The following NOL4L variants were observed in gnomAD, a reference collection of about 807,000 sequenced individuals.
NOL4L encodes nucleolar protein 4-like.
A neutral mutation model predicts 64.5 loss-of-function variants in NOL4L; 7 were observed. The observed-to-expected ratio is 0.11, with a 90% CI of 0.06 to 0.20. The LOEUF is 0.20. Among genes scored for constraint, NOL4L ranks in the 10% least tolerant of loss-of-function variants. The pLI is 1.00. For synonymous variants in NOL4L, 413 were observed against 401.0 expected (o/e 1.03, Z -0.36); for missense variants, 680 against 967.1 (o/e 0.70, Z 3.94).
Position 32,474,757 on chromosome 20 carries a change from A to G in NOL4L, c.700-15T>C. The G allele has an allele frequency of 6.3e-7, 1 of 1,596,818 alleles. No homozygotes were observed. Among genetic ancestry groups the G allele is most frequent in the Non-Finnish European group, 8.5e-7 (1 of 1,169,872 alleles). The stretch of plus-strand genomic sequence containing the variant: ...GAAGTCTCATCCTGAGCAGGGACAA[A>G]GAAGGTGGGCATTCAGCAGGGACGG... On this transcript the variant is annotated splice_polypyrimidine_tract_variant and intron_variant, in intron 4 of 10. Coordinates refer to ENST00000621426, the MANE Select transcript of NOL4L (RefSeq NM_001256798.2).
intron 3 of NOL4L, among the ~76,000 whole-genome samples, chr20:32,513,309 T>C (rs1406303987): frequency 6.6e-6 from 1 of 152,184 alleles, no homozygotes; most frequent in Admixed American, 6.5e-5. Flanking sequence ...AAAGGGTCCC[T>C]GCAACCTTGA....
At chr20:32,470,292 G>A (rs1449672086) in intron 5 of NOL4L, among the ~76,000 whole-genome samples, 3 of 152,242 alleles carry the variant, frequency 2.0e-5, no homozygotes, top group Non-Finnish European at 4.4e-5. Flanking sequence ...CGGAAGGAGT[G>A]GCCCCGCCTG....
At chr20:32,507,057 T>C (rs1168720595) in intron 4 of NOL4L, among the ~76,000 whole-genome samples, 1 of 152,170 alleles carries the variant, frequency 6.6e-6, no homozygotes, top group African/African-American at 2.4e-5. Context: ...TGAGCCTCTC[T>C]GGGCCTCGGC....
In NOL4L at chr20:32,447,464, T is replaced by C. The variant is rs1600608355; in HGVS notation, c.*132A>G. 4 of 954,070 alleles carry C rather than the reference T, an allele frequency of 4.2e-6. No individual in the cohort carries two copies. In the African/African-American group the frequency reaches 6.0e-5, roughly 14 times the overall value. The allele number at this position is 954,070 out of a possible 1,614,324, so 59.1% of individuals were successfully genotyped here. ...TGCCCAAAGTCTCAGGTGCTTGGAG[T>C]GTGGCTAGAAACAGCTCTTTTGGAT... On this transcript the variant is annotated 3_prime_UTR_variant, in exon 11 of 11. Transcript: ENST00000621426.
In NOL4L at chr20:32,483,301, G is replaced by C. The variant is rs1015316427; in HGVS notation, c.700-8559C>G. ...GGCCGGCGGCAGCAGCCGGAGAAGG[G>C]GGGCGGCGGCCCGGGCCCCGGAAAC... On this transcript the variant is annotated intron_variant, in intron 4 of 10. Transcript: ENST00000621426. 4 of 936,392 alleles carry C rather than the reference G, an allele frequency of 4.3e-6. No homozygotes were observed. In the East Asian group the frequency reaches 3.5e-4, roughly 83 times the overall value. The allele number at this position is 936,392 out of a possible 1,614,324, so 58.0% of individuals were successfully genotyped here.
intron 4 of NOL4L, among the ~76,000 whole-genome samples, chr20:32,492,294 C>T (rs2016498576): frequency 6.6e-6 from 1 of 152,212 alleles, no homozygotes; most frequent in Non-Finnish European, 1.5e-5. Context: ...ACAGATGATG[C>T]TCACACACTT....
chr20:32,525,904 T>G (rs2018115311), intron 2 of NOL4L, among the ~76,000 whole-genome samples: 1 of 152,210 alleles, frequency 6.6e-6, no homozygotes, highest in Non-Finnish European at 1.5e-5. Context: ...ATTATAGGCA[T>G]GCGCCACCAT....
At chr20:32,502,168 T>A (rs987825456) in intron 4 of NOL4L, among the ~76,000 whole-genome samples, 28 of 152,230 alleles carry the variant, frequency 1.8e-4, no homozygotes, top group Middle Eastern at 3.4e-3. Flanking sequence ...AGCAGGTTAT[T>A]CCAAAATAGG....
chr20:32,518,681 T>C (rs565868280), intron 3 of NOL4L, among the ~76,000 whole-genome samples: 1 of 151,980 alleles, frequency 6.6e-6, no homozygotes, highest in Non-Finnish European at 1.5e-5. Context: ...ATGGAAACAA[T>C]GAGGAAAGGA....
At chr20:32,562,712 C>G (rs576495163) in intron 1 of NOL4L, among the ~76,000 whole-genome samples, 1 of 152,020 alleles carries the variant, frequency 6.6e-6, no homozygotes, top group Admixed American at 6.5e-5. Flanking sequence ...CTCTGCCCTC[C>G]CTTGACCTCC....
At chr20:32,584,362 G>T (rs1473513929) in intron 1 of NOL4L, among the ~76,000 whole-genome samples, 1 of 151,498 alleles carries the variant, frequency 6.6e-6, no homozygotes, top group South Asian at 2.1e-4. Context: ...GGCGCGGAGG[G>T]GGGCAGGGAC....
intron 1 of NOL4L, among the ~76,000 whole-genome samples, chr20:32,541,470 A>G (rs1213773870): frequency 6.6e-6 from 1 of 152,200 alleles, no homozygotes; most frequent in Non-Finnish European, 1.5e-5. Context: ...TGTGGACATG[A>G]GCCAAGCTCC....
At chr20:32,515,136 G>A (rs544648811) in intron 3 of NOL4L, among the ~76,000 whole-genome samples, 4 of 152,272 alleles carry the variant, frequency 2.6e-5, no homozygotes, top group African/African-American at 4.8e-5. Context: ...CTTGGGAGGC[G>A]TGAGAAGAGG....
intron 3 of NOL4L, among the ~76,000 whole-genome samples, chr20:32,517,677 G>A (rs1282147781): frequency 6.6e-6 from 1 of 152,232 alleles, no homozygotes; most frequent in Non-Finnish European, 1.5e-5. Flanking sequence ...CCTGGGTAGA[G>A]GCAGACCTTG....
chr20:32,508,701 G>A (rs1027272450), intron 4 of NOL4L, among the ~76,000 whole-genome samples: 1 of 152,144 alleles, frequency 6.6e-6, no homozygotes, highest in African/African-American at 2.4e-5. Context: ...CTCGATCTTG[G>A]CCCTGCCCCA....
rs1364911855 is a variant in NOL4L, at chr20:32,444,453, T to C, written c.*3143A>G. ...CACCCTTAGAGTTGTAAGTGGCCCT[T>C]GGGAATAGGGATGGATGGGTTCCAC... On this transcript the variant is annotated 3_prime_UTR_variant, in exon 11 of 11. Transcript: ENST00000621426. 6.6e-6 allele frequency: 1 copy of C among 152,212 alleles called. No homozygotes were observed. Among genetic ancestry groups the C allele is most frequent in the African/African-American group, 2.4e-5 (1 of 41,442 alleles). The allele number at this position is 152,212 out of a possible 1,614,324, so 9.4% of individuals were successfully genotyped here. A position where few individuals can be genotyped will look rare whatever the true frequency, so the allele number is the denominator to read the frequency against.
At chr20:32,477,163 TAAC>T (rs948403058) in intron 4 of NOL4L, among the ~76,000 whole-genome samples, 35 of 152,274 alleles carry the variant, frequency 2.3e-4, no homozygotes, top group Non-Finnish European at 4.4e-4. Context: ...GTTCAAACCA[TAAC>T]AACAGAAGGC....
intron 4 of NOL4L, among the ~76,000 whole-genome samples, chr20:32,482,851 C>T (rs929014120): frequency 2.6e-5 from 4 of 151,924 alleles, no homozygotes; most frequent in African/African-American, 9.7e-5. Context: ...CACTTCCCTT[C>T]TCGTGGCGGC....
intron 1 of NOL4L, among the ~76,000 whole-genome samples, chr20:32,540,581 G>C (rs1291399839): frequency 6.6e-6 from 1 of 152,122 alleles, no homozygotes; most frequent in Non-Finnish European, 1.5e-5. Flanking sequence ...TCCTTTTTGA[G>C]GGTCTTCTCT....
Sources: allele counts gnomAD v4.1 joint callset (sites outside exome capture counted in the v4.1 genomes callset), GRCh38; gene constraint gnomAD v4.1.1; transcripts MANE v1.5; gene names NCBI Gene and HGNC (gene_info 2026-07-23, HGNC 2026-07-21).